Variants in SPAG16 observed in about 807,000 individuals in gnomAD.
SPAG16 encodes sperm-associated antigen 16 protein.
Under a neutral mutation model 80.4 loss-of-function variants are expected in SPAG16, and 86 were observed. The observed-to-expected ratio is 1.07, with a 90% CI of 0.90 to 1.28. The LOEUF (loss-of-function observed/expected upper bound fraction) is 1.28. SPAG16 is among the 50% of genes most tolerant of loss of function. The pLI, the probability that SPAG16 is intolerant of heterozygous loss-of-function variation, is 0.00. For missense variants in SPAG16, 870 were observed against 765.3 expected (o/e 1.14, Z -1.61); for synonymous variants, 294 against 265.9 (o/e 1.11, Z -1.03).
intron 10 of SPAG16, among the ~76,000 whole-genome samples, chr2:213,831,676 C>A (rs1267226437): frequency 2.0e-5 from 3 of 152,114 alleles, no homozygotes; most frequent in African/African-American, 7.2e-5. Context: ...GCCTGCAAAT[C>A]CCCTTCCCTT....
chr2:214,260,214 G>A (rs1175859700), intron 15 of SPAG16, among the ~76,000 whole-genome samples: 2 of 151,864 alleles, frequency 1.3e-5, no homozygotes, highest in Non-Finnish European at 2.9e-5. Flanking sequence ...TATACATTGG[G>A]TACAGTATAC....
intron 13 of SPAG16, among the ~76,000 whole-genome samples, chr2:214,054,008 T>A (rs7562291): frequency 0.054 from 8,253 of 151,994 alleles, 343 homozygotes; most frequent in Admixed American, 0.11. Context: ...CCTTTTTTTT[T>A]AAAAACGGAG....
At chr2:214,363,954 C>G (rs545241055) in intron 15 of SPAG16, among the ~76,000 whole-genome samples, 3 of 152,178 alleles carry the variant, frequency 2.0e-5, no homozygotes, top group African/African-American at 7.2e-5. Flanking sequence ...CTCATGGCCT[C>G]TCTCAACTCT....
intron 15 of SPAG16, among the ~76,000 whole-genome samples, chr2:214,404,846 G>A (rs936722344): frequency 1.3e-5 from 2 of 152,062 alleles, no homozygotes; most frequent in African/African-American, 4.8e-5. Flanking sequence ...GGGAAGGGAT[G>A]TAAAATGAGT....
intron 15 of SPAG16, among the ~76,000 whole-genome samples, chr2:214,290,348 T>G (rs1693703743): frequency 6.6e-6 from 1 of 152,120 alleles, no homozygotes. Flanking sequence ...TTTTGTTGAA[T>G]GTGTTTTTTT....
intron 10 of SPAG16, among the ~76,000 whole-genome samples, chr2:213,679,104 A>G (rs888048180): frequency 6.6e-6 from 1 of 152,128 alleles, no homozygotes; most frequent in Admixed American, 6.6e-5. Context: ...TCAGCTCTTA[A>G]AAATGGATAC....
chr2:213,983,581 T>A (rs549676655), intron 12 of SPAG16, among the ~76,000 whole-genome samples: 1 of 152,146 alleles, frequency 6.6e-6, no homozygotes, highest in East Asian at 1.9e-4. Flanking sequence ...AGGCCTACAA[T>A]GTTCCATGAA....
chr2:214,362,442 G>T (rs771150001), intron 15 of SPAG16, among the ~76,000 whole-genome samples: 1 of 151,884 alleles, frequency 6.6e-6, no homozygotes, highest in African/African-American at 2.4e-5. Context: ...GATAATGAAC[G>T]TATATCAGTA....
intron 9 of SPAG16, among the ~76,000 whole-genome samples, chr2:213,469,764 G>A (rs187423261): frequency 1.3e-5 from 2 of 152,020 alleles, no homozygotes; most frequent in Admixed American, 6.5e-5. Context: ...CCTTACCTTT[G>A]TTGTGGAGTA....
intron 6 of SPAG16, among the ~76,000 whole-genome samples, chr2:213,346,666 A>G (rs1297311765): frequency 6.6e-6 from 1 of 152,132 alleles, no homozygotes; most frequent in African/African-American, 2.4e-5. Context: ...GGCTCTGTTT[A>G]TATGCTGGAT....
In SPAG16 at chr2:214,283,618, CAAAAAATA is replaced by C. The variant is rs1287243436; in HGVS notation, c.1721-126509_1721-126502del. Among the ~76,000 whole-genome samples, 5 of 151,936 alleles carry C rather than the reference CAAAAAATA, an allele frequency of 3.3e-5. No homozygotes were observed. In the East Asian group the frequency reaches 9.7e-4, roughly 29 times the overall value. On this transcript the variant is annotated intron_variant, in intron 15 of 15. Transcript: ENST00000331683. Reference sequence around the variant, plus strand: ...GTTTTAAACTGTAGAATTAACTTTACAAAAAATAAAAAAATAAAAAGCTTTAGCCAAAA... The same window carrying C: ...GTTTTAAACTGTAGAATTAACTTTACAAAAAATAAAAAGCTTTAGCCAAAA...
intron 9 of SPAG16, among the ~76,000 whole-genome samples, chr2:213,407,816 AGAG>A (rs2068724907): frequency 7.4e-6 from 1 of 135,414 alleles, no homozygotes; most frequent in Non-Finnish European, 1.6e-5. Context: ...AGAGAGAGAG[AGAG>A]GAGAGAGGCA....
Position 213,364,141 on chromosome 2 carries a change from T to G in SPAG16, c.828T>G (p.Ile276Met). The G allele has an allele frequency of 6.6e-7, 1 of 1,507,024 alleles. No individual in the cohort carries two copies. Among genetic ancestry groups the G allele is most frequent in the East Asian group, 2.4e-5 (1 of 40,988 alleles). 93.4% of individuals were successfully genotyped at this position (1,507,024 alleles called of 1,614,324 possible). A position where few individuals can be genotyped will look rare whatever the true frequency, so the allele number is the denominator to read the frequency against. The change falls in exon 8 of 16, where the codon ATT (isoleucine) becomes ATG (methionine). Residue 276 changes from isoleucine to methionine, a missense_variant. Coordinates refer to ENST00000331683, the MANE Select transcript of SPAG16 (RefSeq NM_024532.5). ...QRGHSYHGPQ[I>M]KVDHSREKEN... is the part of the protein sequence containing the mutation. Reference sequence around the variant, plus strand: ...GACATAGTTACCATGGTCCTCAAATTAAAGGTAAATGTAAAATGTGATGAA... The same window carrying G: ...GACATAGTTACCATGGTCCTCAAATGAAAGGTAAATGTAAAATGTGATGAA...
At chr2:214,346,971 G>A (rs1698091728) in intron 15 of SPAG16, among the ~76,000 whole-genome samples, 1 of 152,152 alleles carries the variant, frequency 6.6e-6, no homozygotes. Flanking sequence ...TAAGTTTGGG[G>A]TTTGTCATAT....
intron 12 of SPAG16, among the ~76,000 whole-genome samples, chr2:213,966,128 GAAA>G (rs1356884718): frequency 1.3e-5 from 2 of 152,228 alleles, no homozygotes; most frequent in African/African-American, 4.8e-5. Context: ...TTCCTGAGAA[GAAA>G]CCATAGCACT....
intron 7 of SPAG16, among the ~76,000 whole-genome samples, chr2:213,351,041 C>G (rs1175546998): frequency 6.6e-6 from 1 of 151,816 alleles, no homozygotes; most frequent in Admixed American, 6.6e-5. Context: ...ACGTGGGAGG[C>G]TGAGGCATGA....
chr2:214,298,912 G>C (rs760767746), intron 15 of SPAG16, among the ~76,000 whole-genome samples: 9 of 152,160 alleles, frequency 5.9e-5, no homozygotes, highest in Non-Finnish European at 1.3e-4. Flanking sequence ...CTAAATATTT[G>C]TGAGTGCCTA....
chr2:213,765,227 G>A (rs1362916832), intron 10 of SPAG16, among the ~76,000 whole-genome samples: 2 of 152,116 alleles, frequency 1.3e-5, no homozygotes, highest in African/African-American at 2.4e-5. Context: ...AAATTAGCTG[G>A]GCGTGGTGGT....
At chr2:213,932,411 T>TCA (rs1279541537) in intron 12 of SPAG16, among the ~76,000 whole-genome samples, 1 of 151,830 alleles carries the variant, frequency 6.6e-6, no homozygotes, top group East Asian at 1.9e-4. Context: ...AGACGGGGTT[T>TCA]CACCATGTTG....
Sources: allele counts gnomAD v4.1 joint callset (sites outside exome capture counted in the v4.1 genomes callset), GRCh38; gene constraint gnomAD v4.1.1; transcripts MANE v1.5; gene names NCBI Gene and HGNC (gene_info 2026-07-23, HGNC 2026-07-21).